The following ZNF254 variants were observed in gnomAD, a reference collection of about 807,000 sequenced individuals.
The protein encoded by ZNF254 is CTD-2017D11.1.
Under a neutral mutation model 12.4 loss-of-function variants are expected in ZNF254, and 10 were observed. The ratio of observed to expected loss-of-function variants is 0.80; its 90% CI spans 0.50 to 1.36. ZNF254 has a LOEUF of 1.36. ZNF254 is among the 40% of genes most tolerant of loss of function. The pLI, the probability that ZNF254 is intolerant of heterozygous loss-of-function variation, is 0.00. For missense variants in ZNF254, 996 were observed against 763.9 expected (o/e 1.30, Z -3.58); for synonymous variants, 305 against 253.4 (o/e 1.20, Z -1.93).
chr19:24,082,143 A>G (rs539527333), intron 2 of ZNF254, among the ~76,000 whole-genome samples: 21 of 151,804 alleles, frequency 1.4e-4, no homozygotes, highest in Non-Finnish European at 2.6e-4. Context: ...AAAAAAAAAG[A>G]TAATATCGAG....
chr19:24,033,475 C>T (rs1969841118), exon 1 of ZNF254: 2 of 186,460 alleles, frequency 1.1e-5, no homozygotes, highest in South Asian at 1.5e-4. Context: ...CTCGCTCCCA[C>T]CAGAGCTTGG....
chr19:24,089,424 C>A (rs927377824), intron 1 of ZNF254, among the ~76,000 whole-genome samples: 10 of 151,864 alleles, frequency 6.6e-5, no homozygotes. Flanking sequence ...TTCTATCTTC[C>A]CTAGTCACAG....
At chr19:24,052,674 G>T (rs1409418258) in intron 2 of ZNF254, among the ~76,000 whole-genome samples, 1 of 152,100 alleles carries the variant, frequency 6.6e-6, no homozygotes, top group African/African-American at 2.4e-5. Flanking sequence ...CCCTAATCGA[G>T]CACCCAGGTG....
intron 1 of ZNF254, among the ~76,000 whole-genome samples, chr19:24,045,145 A>G (rs1970330544): frequency 6.6e-6 from 1 of 152,146 alleles, no homozygotes; most frequent in East Asian, 1.9e-4. Context: ...AAGCACATCC[A>G]GGAATACACT....
intron 2 of ZNF254, among the ~76,000 whole-genome samples, chr19:24,076,433 TGCACCCAGCTTACA>T (rs972920993): frequency 2.8e-4 from 43 of 152,330 alleles, no homozygotes; most frequent in African/African-American, 8.9e-4. Flanking sequence ...CTATTCTGGC[TGCACCCAGCTTACA>T]GGAAGATTAT....
At chr19:24,052,017 A>C (rs944080870) in intron 2 of ZNF254, among the ~76,000 whole-genome samples, 2 of 152,130 alleles carry the variant, frequency 1.3e-5, no homozygotes, top group African/African-American at 4.8e-5. Flanking sequence ...GTATTGTGAC[A>C]TATTGCTGAG....
At chr19:24,116,843 T>C (rs1230820066) in intron 3 of ZNF254, among the ~76,000 whole-genome samples, 3 of 152,138 alleles carry the variant, frequency 2.0e-5, no homozygotes, top group Non-Finnish European at 2.9e-5. Flanking sequence ...TTTTGGTCTT[T>C]GACGATGGTG....
chr19:24,076,992 A>G (rs1434641131), intron 2 of ZNF254, among the ~76,000 whole-genome samples: 1 of 152,218 alleles, frequency 6.6e-6, no homozygotes, highest in African/African-American at 2.4e-5. Flanking sequence ...CCTAGTGAAT[A>G]GATGACAGAC....
In ZNF254 at chr19:24,127,695, G is replaced by A. The variant is rs568843707; in HGVS notation, c.1695G>A (p.Lys565=). 6 of 1,613,204 alleles carry A rather than the reference G, an allele frequency of 3.7e-6. No individual in the cohort carries two copies. Among genetic ancestry groups the A allele is most frequent in the South Asian group, 1.1e-5 (1 of 91,056 alleles). The change falls in exon 4 of 4, where the codon AAG becomes AAA. Residue 565 remains lysine (K), a synonymous_variant. Transcript: ENST00000357002. ...AGTCTTCAATCCTTACTAACCATAAGAGAATTCATACTGGAGAGAAACCCT... is the reference window on the plus strand; with the variant it reads ...AGTCTTCAATCCTTACTAACCATAAAAGAATTCATACTGGAGAGAAACCCT... ...FKQSSILTNH[K]RIHTGEKPYK...
At position 24,127,403 on chromosome 19, in the gene ZNF254, G is replaced by A; in HGVS notation, c.1403G>A (p.Gly468Asp). The change falls in exon 4 of 4, where the codon GGC becomes GAC. Residue 468 changes from glycine (G) to aspartate (D), a missense_variant. Coordinates refer to ENST00000357002, the MANE Select transcript of ZNF254 (RefSeq NM_203282.4). Reference protein sequence around the residue: ...REKPYKCEECGKAFIWSSTLT... With the variant: ...REKPYKCEECDKAFIWSSTLT... ...AAACCCTACAAATGTGAAGAATGTG[G>A]CAAGGCATTTATATGGTCCTCAACC... 6.2e-7 allele frequency: 1 copy of A among 1,612,180 alleles called. No individual in the cohort carries two copies. The highest frequency in any genetic ancestry group is 1.3e-5 in the African/African-American group (1 of 74,836).
At chr19:24,049,214 A>ATATATATATATAT (rs1160333151) in intron 2 of ZNF254, among the ~76,000 whole-genome samples, 11 of 40,852 alleles carry the variant, frequency 2.7e-4, no homozygotes, top group South Asian at 8.3e-4. Flanking sequence ...ATATATATAT[A>ATATATATATATAT]TTTTTTTTTT....
chr19:24,075,004 A>G (rs1971608694), intron 2 of ZNF254, among the ~76,000 whole-genome samples: 1 of 152,126 alleles, frequency 6.6e-6, no homozygotes, highest in African/African-American at 2.4e-5. Context: ...TTTGTGACTG[A>G]TCTCTGCATA....
At chr19:24,062,161 A>G (rs570262189) in intron 2 of ZNF254, among the ~76,000 whole-genome samples, 2 of 152,070 alleles carry the variant, frequency 1.3e-5, no homozygotes, top group Non-Finnish European at 2.9e-5. Flanking sequence ...ATAGAGAATT[A>G]CCACTCTCTT....
At position 24,106,540 on chromosome 19, in the gene ZNF254, T is replaced by C. The variant is rs752769213; in HGVS notation, c.158-8T>C. ...GCAAGATTCATTTAGTTATTTTTAATAAAACAGGTATTGCTGTCTCTAAGC... is the reference window on the plus strand; with the variant it reads ...GCAAGATTCATTTAGTTATTTTTAACAAAACAGGTATTGCTGTCTCTAAGC... On this transcript the variant is annotated splice_region_variant and splice_polypyrimidine_tract_variant and intron_variant, in intron 2 of 3. Transcript: ENST00000357002. 5.7e-6 allele frequency: 9 copies of C among 1,570,402 alleles called. No homozygotes were observed. The highest frequency in any genetic ancestry group is 7.8e-6 in the Non-Finnish European group (9 of 1,154,568).
intron 2 of ZNF254, among the ~76,000 whole-genome samples, chr19:24,049,214 A>ATTTTTTTTTTTTTT (rs66491625): frequency 2.4e-5 from 1 of 40,864 alleles, no homozygotes; most frequent in African/African-American, 1.4e-4. Flanking sequence ...ATATATATAT[A>ATTTTTTTTTTTTTT]TTTTTTTTTT....
chr19:24,051,666 C>T (rs914262164), intron 2 of ZNF254, among the ~76,000 whole-genome samples: 3 of 152,200 alleles, frequency 2.0e-5, no homozygotes, highest in Admixed American at 6.5e-5. Flanking sequence ...CTGAGTCTAA[C>T]ACCTAGGTAA....
intron 2 of ZNF254, among the ~76,000 whole-genome samples, chr19:24,051,536 C>T (rs1431703372): frequency 6.6e-6 from 1 of 152,130 alleles, no homozygotes; most frequent in Non-Finnish European, 1.5e-5. Context: ...GGTGATGTGA[C>T]TCTGCTGTTT....
intron 1 of ZNF254, among the ~76,000 whole-genome samples, chr19:24,100,672 GTCTC>G (rs142703038): frequency 0.15 from 20,898 of 142,440 alleles, 2,219 homozygotes; most frequent in African/African-American, 0.33. Context: ...AAGTTTGTAT[GTCTC>G]TCTCTCTTTT....
chr19:24,087,158 G>A (rs1193369618), upstream of ZNF254: 4 of 1,000,168 alleles, frequency 4.0e-6, no homozygotes, highest in African/African-American at 1.6e-5. Flanking sequence ...CAGCTGGACT[G>A]GACAAAGCGG....
Sources: allele counts gnomAD v4.1 joint callset (sites outside exome capture counted in the v4.1 genomes callset), GRCh38; gene constraint gnomAD v4.1.1; transcripts MANE v1.5; gene names NCBI Gene and HGNC (gene_info 2026-07-23, HGNC 2026-07-21).